NTNG1: variants seen among roughly 807,000 people sequenced by gnomAD.
NTNG1 encodes netrin G1.
In NTNG1, 16 loss-of-function variants were observed where a neutral mutation model predicts 54.0. That is an observed-to-expected ratio of 0.30 (90% CI 0.20 to 0.45). NTNG1 has a LOEUF of 0.45. Ranked by LOEUF, NTNG1 falls within the 20% of genes least tolerant of loss-of-function variation. The probability of loss-of-function intolerance (pLI) is 1.00; values close to 1 mark genes in which losing one functional copy is unlikely to be tolerated. For missense variants in NTNG1, 530 were observed against 678.7 expected, an observed-to-expected ratio of 0.78 and a Z score of 2.43; for synonymous variants, 255 against 263.1, an observed-to-expected ratio of 0.97 and a Z score of 0.30.
chr1:107,287,956 C>A (rs1282000066), intron 2 of NTNG1, among the ~76,000 whole-genome samples: 1 of 152,054 alleles, frequency 6.6e-6, no homozygotes, highest in Non-Finnish European at 1.5e-5. Context: ...ATTGGAACCA[C>A]CTGGGAGAAT....
chr1:107,278,460 A>C (rs1664622999), intron 2 of NTNG1, among the ~76,000 whole-genome samples: 2 of 152,190 alleles, frequency 1.3e-5, no homozygotes, highest in South Asian at 4.1e-4. Context: ...AGTAGATCCA[A>C]AACAGAGGCT....
At chr1:107,441,670 T>C (rs190054945) in intron 7 of NTNG1, among the ~76,000 whole-genome samples, 121 of 152,172 alleles carry the variant, frequency 8.0e-4, no homozygotes, top group African/African-American at 2.8e-3. Context: ...AAAGTCTCTT[T>C]TGCCAAGTGA....
intron 2 of NTNG1, among the ~76,000 whole-genome samples, chr1:107,162,398 T>G (rs1215137380): frequency 6.6e-6 from 1 of 152,174 alleles, no homozygotes; most frequent in East Asian, 1.9e-4. Flanking sequence ...TCTTATTTTC[T>G]TAGCTGTCAG....
At chr1:107,357,047 C>G (rs1207603121) in intron 3 of NTNG1, among the ~76,000 whole-genome samples, 3 of 152,136 alleles carry the variant, frequency 2.0e-5, no homozygotes, top group Non-Finnish European at 4.4e-5. Context: ...TTTAACAAGT[C>G]TGTCTCCATC....
At chr1:107,477,339 G>A (rs1678395823) in intron 7 of NTNG1, among the ~76,000 whole-genome samples, 1 of 152,172 alleles carries the variant, frequency 6.6e-6, no homozygotes, top group South Asian at 2.1e-4. Context: ...TGATGTGAAG[G>A]GCCGTTGCTG....
intron 3 of NTNG1, among the ~76,000 whole-genome samples, chr1:107,332,574 A>G (rs1008652889): frequency 6.6e-6 from 1 of 151,964 alleles, no homozygotes; most frequent in Non-Finnish European, 1.5e-5. Context: ...TGTACCTAGG[A>G]TCAGAGTTTT....
chr1:107,225,460 C>G (rs1304030245), intron 2 of NTNG1, among the ~76,000 whole-genome samples: 1 of 152,014 alleles, frequency 6.6e-6, no homozygotes, highest in Non-Finnish European at 1.5e-5. Flanking sequence ...ATAGTTCAGA[C>G]AACATGGATT....
intron 2 of NTNG1, among the ~76,000 whole-genome samples, chr1:107,179,127 A>G (rs1330002513): frequency 6.6e-6 from 1 of 152,190 alleles, no homozygotes; most frequent in Non-Finnish European, 1.5e-5. Context: ...AGAGGGGGAC[A>G]GTGAATAACT....
intron 7 of NTNG1, among the ~76,000 whole-genome samples, chr1:107,464,647 A>G (rs1233187810): frequency 1.3e-5 from 2 of 152,170 alleles, no homozygotes; most frequent in Non-Finnish European, 2.9e-5. Flanking sequence ...ACCAAGCAGC[A>G]GCACATCCAG....
chr1:107,415,059 C>T (rs1674105623), intron 5 of NTNG1, among the ~76,000 whole-genome samples: 1 of 152,100 alleles, frequency 6.6e-6, no homozygotes, highest in Non-Finnish European at 1.5e-5. Context: ...TGATTTTGGT[C>T]TCCATACTAC....
intron 3 of NTNG1, among the ~76,000 whole-genome samples, chr1:107,353,671 G>A (rs1315971802): frequency 6.6e-6 from 1 of 152,044 alleles, no homozygotes; most frequent in Non-Finnish European, 1.5e-5. Flanking sequence ...ATATTTTTAT[G>A]GCAATGCCCC....
At chr1:107,256,930 C>T (rs913298570) in intron 2 of NTNG1, among the ~76,000 whole-genome samples, 1 of 151,928 alleles carries the variant, frequency 6.6e-6, no homozygotes, top group African/African-American at 2.4e-5. Context: ...TTTTTATTGT[C>T]CAAACTGAGT....
rs1654308586 is a variant in NTNG1 at position 107,148,516 on chromosome 1, TA to T, written c.-77del. Reference sequence around the variant, plus strand: ...ACGCATACATACATATGTGTATATATATGTAAACTAGACAAAGATCGCAGAT... The same window carrying T: ...ACGCATACATACATATGTGTATATATTGTAAACTAGACAAAGATCGCAGAT... On this transcript the variant is annotated 5_prime_UTR_variant, in exon 2 of 8. The change abolishes an upstream ATG in the 5' untranslated region. Coordinates refer to ENST00000370068, the MANE Select transcript of NTNG1 (RefSeq NM_001113226.3). 2 of 1,386,014 alleles carry T rather than the reference TA, an allele frequency of 1.4e-6. No homozygotes were observed. Among genetic ancestry groups the T allele is most frequent in the Non-Finnish European group, 2.0e-6 (2 of 986,360 alleles). The allele number at this position is 1,386,014 out of a possible 1,614,324, so 85.9% of individuals were successfully genotyped here.
At chr1:107,374,358 C>T (rs1671102137) in intron 3 of NTNG1, among the ~76,000 whole-genome samples, 1 of 152,018 alleles carries the variant, frequency 6.6e-6, no homozygotes, top group Non-Finnish European at 1.5e-5. Flanking sequence ...TTGACTATTC[C>T]AGTTACACAT....
Position 107,148,812 on chromosome 1 carries a change from A to G in NTNG1, c.219A>G (p.Gly73=). Residue 73 remains glycine (G), a synonymous_variant, in exon 2 of 8, where the codon GGA becomes GGG. Transcript: ENST00000370068. ...VKLDPPDITC[G]DPPETFCAMG... ...TCGATCCTCCGGATATTACCTGTGG[A>G]GACCCTCCTGAGACGTTCTGTGCAA... is the stretch of plus-strand genomic sequence containing the variant. The G allele has an allele frequency of 6.2e-7, 1 of 1,613,690 alleles. No homozygotes were observed. Among genetic ancestry groups the G allele is most frequent in the South Asian group, 1.1e-5 (1 of 91,078 alleles).
Position 107,373,397 on chromosome 1 carries a change from T to A in NTNG1, c.888-21757T>A, listed in dbSNP as rs1292210316. ...TCCCCTCTCAGACTTTATGATTTTG[T>A]TTTCACATGTTTTACAGATATATAT... On this transcript the variant is annotated intron_variant, in intron 3 of 7. Coordinates refer to ENST00000370068, the MANE Select transcript of NTNG1 (RefSeq NM_001113226.3). 3.3e-5 allele frequency among the ~76,000 whole-genome samples: 5 copies of A among 152,044 alleles called. No individual in the cohort carries two copies. In the East Asian group the frequency reaches 9.6e-4, roughly 29 times the overall value.
chr1:107,186,415 A>C (rs1657464458), intron 2 of NTNG1, among the ~76,000 whole-genome samples: 1 of 152,070 alleles, frequency 6.6e-6, no homozygotes, highest in African/African-American at 2.4e-5. Flanking sequence ...TCTCTGTTTA[A>C]CTCCTTTAGA....
In NTNG1 at chr1:107,405,054, C is replaced by G. The variant is rs894902; in HGVS notation, c.1061-2628C>G. Among the ~76,000 whole-genome samples the G allele has an allele frequency of 9.0e-3, 1,377 of 152,248 alleles. 19 individuals carry two copies. The highest frequency in any genetic ancestry group is 0.027 in the African/African-American group (1,119 of 41,544). ...AGCTTTCATGAAATAAATTGTTGCA[C>G]TTCATTTCTAGCCCTTTCCGTCTTA... is the stretch of plus-strand genomic sequence containing the variant. On this transcript the variant is annotated intron_variant, in intron 4 of 7. Coordinates refer to ENST00000370068, the MANE Select transcript of NTNG1 (RefSeq NM_001113226.3).
chr1:107,297,013 G>C (rs1665982924), intron 2 of NTNG1, among the ~76,000 whole-genome samples: 1 of 148,568 alleles, frequency 6.7e-6, no homozygotes, highest in South Asian at 2.1e-4. Context: ...TCATTTTGCT[G>C]TTGCCTTTTT....
Sources: gnomAD v4.1 joint callset for allele counts (sites outside exome capture counted in the v4.1 genomes callset) on GRCh38, gnomAD v4.1.1 for gene constraint, MANE v1.5 for transcripts, NCBI Gene and HGNC (gene_info 2026-07-23, HGNC 2026-07-21) for gene names.